The following CSMD1 variants were observed in gnomAD, a reference collection of about 807,000 sequenced individuals.
The protein encoded by CSMD1 is CUB and Sushi multiple domains 1, also known as CUB and sushi domain-containing protein 1.
A neutral mutation model predicts 417.5 loss-of-function variants in CSMD1; 213 were observed. That is an observed-to-expected ratio of 0.51 (90% CI 0.46 to 0.57). The LOEUF (loss-of-function observed/expected upper bound fraction) is 0.57, where lower values mean the gene tolerates loss of function less well. Among genes scored for constraint, CSMD1 ranks in the 20% least tolerant of loss-of-function variants. The probability of loss-of-function intolerance (pLI) is 0.00; values close to 1 mark genes in which losing one functional copy is unlikely to be tolerated. For synonymous variants in CSMD1, 2,862 were observed against 1,736.8 expected (o/e 1.65, Z -16.11); for missense variants, 6,923 against 4,529.7 (o/e 1.53, Z -15.17).
At chr8:4,016,143 A>G (rs1416890001) in intron 4 of CSMD1, among the ~76,000 whole-genome samples, 1 of 152,214 alleles carries the variant, frequency 6.6e-6, no homozygotes, top group Non-Finnish European at 1.5e-5. Flanking sequence ...AACATTTTAG[A>G]TAGGATTGCA....
intron 3 of CSMD1, among the ~76,000 whole-genome samples, chr8:4,198,455 A>G (rs1174578659): frequency 6.6e-6 from 1 of 152,192 alleles, no homozygotes; most frequent in Non-Finnish European, 1.5e-5. Flanking sequence ...TAGGTAAAAT[A>G]TGGATTTGGG....
chr8:3,613,776 T>G (rs1802006869), intron 8 of CSMD1, among the ~76,000 whole-genome samples: 1 of 149,160 alleles, frequency 6.7e-6, no homozygotes, highest in South Asian at 2.1e-4. Flanking sequence ...TTCCTCAAAC[T>G]GATAAAGGGC....
intron 7 of CSMD1, among the ~76,000 whole-genome samples, chr8:3,694,344 G>T (rs17398135): frequency 0.042 from 6,465 of 152,152 alleles, 165 homozygotes; most frequent in South Asian, 0.071. Context: ...ACAGACAGGG[G>T]TCACTCAGGC....
chr8:3,234,901 C>T (rs958236630), intron 26 of CSMD1, among the ~76,000 whole-genome samples: 4 of 152,196 alleles, frequency 2.6e-5, no homozygotes, highest in Non-Finnish European at 5.9e-5. Flanking sequence ...AATCTATGAT[C>T]AACTGTTGTT....
At chr8:4,390,782 C>A (rs1803798391) in intron 3 of CSMD1, among the ~76,000 whole-genome samples, 1 of 151,848 alleles carries the variant, frequency 6.6e-6, no homozygotes, top group African/African-American at 2.4e-5. Context: ...ACCTCGTGAT[C>A]CACCTGCCTC....
chr8:4,704,981 C>A (rs1563180609), intron 1 of CSMD1, among the ~76,000 whole-genome samples: 1 of 152,192 alleles, frequency 6.6e-6, no homozygotes, highest in African/African-American at 2.4e-5. Context: ...CAATTGTAAT[C>A]CCTACACGTG....
At chr8:4,240,583 G>T (rs1276939876) in intron 3 of CSMD1, among the ~76,000 whole-genome samples, 1 of 152,032 alleles carries the variant, frequency 6.6e-6, no homozygotes, top group East Asian at 1.9e-4. Context: ...TTATCTTTTA[G>T]CTCAAAATGA....
intron 12 of CSMD1, among the ~76,000 whole-genome samples, chr8:3,427,971 T>C (rs1813963625): frequency 6.6e-6 from 1 of 152,206 alleles, no homozygotes; most frequent in Admixed American, 6.5e-5. Flanking sequence ...GAATTTTGAA[T>C]TTTAGAAAAT....
At chr8:3,603,131 T>C (rs1372396929) in intron 8 of CSMD1, among the ~76,000 whole-genome samples, 2 of 152,164 alleles carry the variant, frequency 1.3e-5, no homozygotes, top group Non-Finnish European at 2.9e-5. Flanking sequence ...TCAAGGAGTG[T>C]CAATGGGATA....
At chr8:4,384,357 C>G (rs994910403) in intron 3 of CSMD1, among the ~76,000 whole-genome samples, 4 of 152,188 alleles carry the variant, frequency 2.6e-5, no homozygotes, top group Admixed American at 6.5e-5. Context: ...TGCAACGCAT[C>G]TGAGGCCCAT....
chr8:3,235,788 A>G (rs906897809), intron 26 of CSMD1, among the ~76,000 whole-genome samples: 1 of 152,136 alleles, frequency 6.6e-6, no homozygotes, highest in African/African-American at 2.4e-5. Context: ...TATTTGGAAT[A>G]CGTATAACAA....
At chr8:4,879,907 T>G (rs766015698) in intron 1 of CSMD1, among the ~76,000 whole-genome samples, 1 of 152,098 alleles carries the variant, frequency 6.6e-6, no homozygotes, top group Non-Finnish European at 1.5e-5. Context: ...CAAGTCTGGA[T>G]TTTATCTCAT....
intron 49 of CSMD1, among the ~76,000 whole-genome samples, chr8:3,063,999 G>A (rs1197027552): frequency 3.9e-5 from 6 of 152,160 alleles, no homozygotes; most frequent in African/African-American, 1.4e-4. Flanking sequence ...ACGGTCATTA[G>A]GATAAAGTTA....
At chr8:3,312,107 A>G (rs370565863) in intron 23 of CSMD1, among the ~76,000 whole-genome samples, 1 of 152,290 alleles carries the variant, frequency 6.6e-6, no homozygotes, top group African/African-American at 2.4e-5. Context: ...TCCAAAAAAA[A>G]CAAGCAAAGA....
At chr8:4,639,713 T>C (rs1803078729) in intron 1 of CSMD1, among the ~76,000 whole-genome samples, 1 of 152,192 alleles carries the variant, frequency 6.6e-6, no homozygotes, top group Non-Finnish European at 1.5e-5. Flanking sequence ...TATTTTCAAC[T>C]ACATTTTATA....
chr8:4,263,316 G>C (rs1226879581), intron 3 of CSMD1, among the ~76,000 whole-genome samples: 1 of 152,068 alleles, frequency 6.6e-6, no homozygotes, highest in Non-Finnish European at 1.5e-5. Context: ...CCCACCAAAA[G>C]GGGCCTCTGT....
chr8:4,658,609 G>A (rs2126876), intron 1 of CSMD1, among the ~76,000 whole-genome samples: 103,205 of 152,058 alleles, frequency 0.68, 36,842 homozygotes, highest in African/African-American at 0.9. Flanking sequence ...ATGAATGCCA[G>A]TGCGGAGTAT....
At chr8:4,009,617 T>G (rs1020062338) in intron 4 of CSMD1, among the ~76,000 whole-genome samples, 2 of 152,126 alleles carry the variant, frequency 1.3e-5, no homozygotes, top group African/African-American at 4.8e-5. Context: ...TGGGGAAATA[T>G]CCAGGAAAGA....
chr8:4,354,150 T>C (rs979287408), intron 3 of CSMD1, among the ~76,000 whole-genome samples: 2 of 152,288 alleles, frequency 1.3e-5, no homozygotes, highest in South Asian at 2.1e-4. Flanking sequence ...AAAATTTAAA[T>C]GTAAAAATTA....
Sources: allele counts gnomAD v4.1 joint callset (sites outside exome capture counted in the v4.1 genomes callset), GRCh38; gene constraint gnomAD v4.1.1; transcripts MANE v1.5; gene names NCBI Gene and HGNC (gene_info 2026-07-23, HGNC 2026-07-21).